The following MEIKIN variants were observed in gnomAD, a reference collection of about 807,000 sequenced individuals.
MEIKIN encodes meiotic kinetochore factor.
chr5:131,917,459 G>A (rs1751431449), intron 6 of MEIKIN, among the ~76,000 whole-genome samples: 1 of 151,564 alleles, frequency 6.6e-6, no homozygotes, highest in African/African-American at 2.4e-5. Flanking sequence ...CCAGCTACTT[G>A]GGAGGCTGGG....
intron 3 of MEIKIN, among the ~76,000 whole-genome samples, chr5:131,943,568 A>G (rs1023871527): frequency 6.6e-5 from 10 of 152,224 alleles, no homozygotes; most frequent in Admixed American, 5.9e-4. Flanking sequence ...ACTGAAAGTC[A>G]TATTTTTGAA....
At chr5:131,897,209 C>T (rs924045513) in intron 8 of MEIKIN, among the ~76,000 whole-genome samples, 2 of 152,212 alleles carry the variant, frequency 1.3e-5, no homozygotes, top group African/African-American at 4.8e-5. Flanking sequence ...TGAATATTAG[C>T]CCTCACTCTC....
In MEIKIN at chr5:131,871,169, G is replaced by C. The variant is rs185970681; in HGVS notation, c.774+7809C>G. Among the ~76,000 whole-genome samples the C allele has an allele frequency of 5.7e-3, 870 of 152,338 alleles. 3 individuals are homozygous for C. Among genetic ancestry groups the C allele is most frequent in the Non-Finnish European group, 8.3e-3 (562 of 68,042 alleles). On this transcript the variant is annotated intron_variant, in intron 9 of 12. Coordinates refer to ENST00000442687, the MANE Select transcript of MEIKIN (RefSeq NM_001303622.2). The stretch of plus-strand genomic sequence containing the variant: ...TAGTGGGTGCCGGACAGTGGGTGCA[G>C]TGCACCGTGCGCAAGCCGAAGCAGG...
chr5:131,938,230 G>T (rs1323564301), intron 4 of MEIKIN, among the ~76,000 whole-genome samples: 2 of 136,874 alleles, frequency 1.5e-5, no homozygotes, highest in African/African-American at 5.6e-5. Context: ...GCTATGGTAT[G>T]ATCTCAGCTC....
chr5:131,923,206 T>C lies in MEIKIN; in HGVS notation c.479-1265A>G, dbSNP rs147444022. ...CCTGGTCCCTCTATATTTTTAAATC[T>C]ATTTAATCTCAAATGCTACCAAATT... On this transcript the variant is annotated intron_variant, in intron 5 of 12. Coordinates refer to ENST00000442687, the MANE Select transcript of MEIKIN (RefSeq NM_001303622.2). Among the ~76,000 whole-genome samples the C allele has an allele frequency of 5.0e-4, 76 of 152,326 alleles. 1 individual carries two copies. In the East Asian group the frequency reaches 0.014, roughly 27 times the overall value.
intron 11 of MEIKIN, among the ~76,000 whole-genome samples, chr5:131,836,996 G>A (rs1362072251): frequency 6.6e-6 from 1 of 151,852 alleles, no homozygotes; most frequent in Non-Finnish European, 1.5e-5. Flanking sequence ...GATTTTCATA[G>A]TTTTGGGTTT....
intron 10 of MEIKIN, among the ~76,000 whole-genome samples, chr5:131,851,650 T>C (rs1407206334): frequency 6.6e-6 from 1 of 152,234 alleles, no homozygotes; most frequent in East Asian, 1.9e-4. Flanking sequence ...GGAATTTTTG[T>C]TTGCTATGAT....
intron 11 of MEIKIN, among the ~76,000 whole-genome samples, chr5:131,836,740 GTTTTT>G (rs796714140): frequency 1.4e-5 from 2 of 141,608 alleles, no homozygotes; most frequent in African/African-American, 5.1e-5. Flanking sequence ...ACTTTTTAAT[GTTTTT>G]TTTTTTTCTT....
At chr5:131,945,329 C>T in intron 1 of MEIKIN, 71 bp downstream of exon 1, 1 of 399,014 alleles carries the variant, frequency 2.5e-6, no homozygotes, top group Non-Finnish European at 4.4e-6. Flanking sequence ...GCCTAGCACC[C>T]CCGCCCGCCC....
intron 9 of MEIKIN, among the ~76,000 whole-genome samples, chr5:131,861,876 T>A (rs1374719508): frequency 1.3e-5 from 2 of 152,186 alleles, no homozygotes; most frequent in Non-Finnish European, 2.9e-5. Context: ...AGGATTTTTG[T>A]GTCTATGTTC....
chr5:131,943,347 A>T (rs543510935), intron 3 of MEIKIN, among the ~76,000 whole-genome samples: 1 of 152,194 alleles, frequency 6.6e-6, no homozygotes, highest in Non-Finnish European at 1.5e-5. Context: ...CAACATGAAT[A>T]AAAAAACTTG....
At chr5:131,847,970 T>TA (rs922753836) in intron 11 of MEIKIN, among the ~76,000 whole-genome samples, 3 of 151,918 alleles carry the variant, frequency 2.0e-5, no homozygotes, top group African/African-American at 7.3e-5. Flanking sequence ...AGAAAATACT[T>TA]AGAGACAAAT....
chr5:131,894,697 G>C (rs924119690), intron 8 of MEIKIN, among the ~76,000 whole-genome samples: 1 of 152,122 alleles, frequency 6.6e-6, no homozygotes, highest in African/African-American at 2.4e-5. Context: ...TTGGCTCCCT[G>C]TTTGTCTGTT....
intron 8 of MEIKIN, among the ~76,000 whole-genome samples, chr5:131,890,872 CTA>C (rs2149633918): frequency 6.6e-6 from 1 of 152,332 alleles, no homozygotes; most frequent in South Asian, 2.1e-4. Context: ...AAATTTCCCT[CTA>C]CACACTGTTT....
chr5:131,899,542 TAAA>T (rs398065218), intron 8 of MEIKIN, among the ~76,000 whole-genome samples: 1 of 125,414 alleles, frequency 8.0e-6, no homozygotes, highest in Admixed American at 8.2e-5. Flanking sequence ...TGAATGGATT[TAAA>T]AAAAAAAAAA....
At chr5:131,856,025 C>T (rs1247294728) in intron 9 of MEIKIN, among the ~76,000 whole-genome samples, 2 of 152,108 alleles carry the variant, frequency 1.3e-5, no homozygotes, top group Admixed American at 6.6e-5. Context: ...TACTTTCAAC[C>T]TTTCTTTCCC....
At chr5:131,859,351 AT>A (rs1214830324) in intron 9 of MEIKIN, among the ~76,000 whole-genome samples, 2 of 151,974 alleles carry the variant, frequency 1.3e-5, no homozygotes, top group Non-Finnish European at 2.9e-5. Context: ...TCCAAATCTC[AT>A]GTTGAATTGA....
chr5:131,812,746 C>T (rs1444038194), intron 12 of MEIKIN, among the ~76,000 whole-genome samples: 1 of 152,246 alleles, frequency 6.6e-6, no homozygotes, highest in African/African-American at 2.4e-5. Flanking sequence ...AATGATCCAG[C>T]AGATCCAACG....
intron 5 of MEIKIN, among the ~76,000 whole-genome samples, chr5:131,923,312 A>G (rs1580908996): frequency 6.6e-6 from 1 of 152,146 alleles, no homozygotes; most frequent in Non-Finnish European, 1.5e-5. Context: ...CATCTACTGT[A>G]CTAGGCACAC....
Sources: allele counts gnomAD v4.1 joint callset (sites outside exome capture counted in the v4.1 genomes callset), GRCh38; gene constraint gnomAD v4.1.1; transcripts MANE v1.5; gene names NCBI Gene and HGNC (gene_info 2026-07-23, HGNC 2026-07-21).